PELI2: variants seen among roughly 807,000 people sequenced by gnomAD.
PELI2 encodes pellino E3 ubiquitin protein ligase family member 2.
PELI2 carries 23 observed loss-of-function variants against 42.3 expected under a neutral mutation model. The ratio of observed to expected loss-of-function variants is 0.54; its 90% CI spans 0.39 to 0.77. The LOEUF is 0.77. PELI2 is among the 30% of genes least tolerant of loss of function. The pLI, the probability that PELI2 is intolerant of heterozygous loss-of-function variation, is 0.00. For missense variants in PELI2, 463 were observed against 553.2 expected, an observed-to-expected ratio of 0.84 and a Z score of 1.64; for synonymous variants, 245 against 212.2, an observed-to-expected ratio of 1.15 and a Z score of -1.34.
At chr14:56,174,767 T>A (rs1002513662) in intron 1 of PELI2, among the ~76,000 whole-genome samples, 1 of 152,216 alleles carries the variant, frequency 6.6e-6, no homozygotes, top group African/African-American at 2.4e-5. Flanking sequence ...GTGGAACTTT[T>A]GAGTCAGTTA....
At chr14:56,159,433 T>G (rs1413022982) in intron 1 of PELI2, among the ~76,000 whole-genome samples, 1 of 152,184 alleles carries the variant, frequency 6.6e-6, no homozygotes, top group Non-Finnish European at 1.5e-5. Context: ...AACCCCAAAA[T>G]TATTAATTGG....
Position 56,214,685 on chromosome 14 carries a change from A to G in PELI2, c.207+36221A>G, listed in dbSNP as rs546172506. Among the ~76,000 whole-genome samples, 4 of 152,308 alleles carry G rather than the reference A, an allele frequency of 2.6e-5. No homozygotes were observed. The East Asian group carries it at 7.7e-4, about 29-fold the overall frequency. On this transcript the variant is annotated intron_variant, in intron 2 of 5. Coordinates refer to ENST00000267460, the MANE Select transcript of PELI2 (RefSeq NM_021255.3). The stretch of plus-strand genomic sequence containing the variant: ...GCAACCTCTAGAGTTTGGAAGCTGG[A>G]TGTTCAGCCTTTTTGGGTGGAATAC...
At chr14:56,259,874 A>G (rs1351960469) in intron 2 of PELI2, among the ~76,000 whole-genome samples, 2 of 152,188 alleles carry the variant, frequency 1.3e-5, no homozygotes, top group African/African-American at 4.8e-5. Flanking sequence ...CAAAGCATTT[A>G]AGATAGCATA....
intron 2 of PELI2, among the ~76,000 whole-genome samples, chr14:56,221,719 TGATTC>T (rs1228297732): frequency 6.6e-6 from 1 of 152,186 alleles, no homozygotes; most frequent in Non-Finnish European, 1.5e-5. Flanking sequence ...GGTGAATGGG[TGATTC>T]TATAGAGAAG....
chr14:56,185,863 A>G (rs1566626047), intron 2 of PELI2, among the ~76,000 whole-genome samples: 1 of 152,172 alleles, frequency 6.6e-6, no homozygotes, highest in Admixed American at 6.5e-5. Context: ...TTCTAGCAAA[A>G]AGGGACATTT....
At chr14:56,190,738 T>C (rs1018771080) in intron 2 of PELI2, among the ~76,000 whole-genome samples, 12 of 152,268 alleles carry the variant, frequency 7.9e-5, no homozygotes, top group African/African-American at 2.4e-4. Context: ...ATATTCATTC[T>C]GTTAGCCAAT....
Position 56,296,811 on chromosome 14 carries a change from AG to A in PELI2, c.910del (p.Glu304ArgfsTer54). On this transcript the variant is annotated frameshift_variant, in exon 6 of 6. Coordinates refer to ENST00000267460, the MANE Select transcript of PELI2 (RefSeq NM_021255.3). LOFTEE classifies it high-confidence loss of function. ...AGCATCAACAGGAAAGAGGTGGTGGAGGAGAAGCAGCCCTGGGCATATCTCA... is the reference window on the plus strand; with the variant it reads ...AGCATCAACAGGAAAGAGGTGGTGGAGAGAAGCAGCCCTGGGCATATCTCA... ...FPSINRKEVVEEKQPWAYLSC... is the reference protein window; with the variant it reads ...FPSINRKEVVXEKQPWAYLSC... The A allele has an allele frequency of 6.2e-7, 1 of 1,614,094 alleles. No homozygotes were observed. The highest frequency in any genetic ancestry group is 8.5e-7 in the Non-Finnish European group (1 of 1,179,996).
chr14:56,257,079 ATAG>A (rs1888551854), intron 2 of PELI2, among the ~76,000 whole-genome samples: 3 of 152,222 alleles, frequency 2.0e-5, no homozygotes, highest in South Asian at 2.1e-4. Flanking sequence ...TTAATAGTAT[ATAG>A]TGGGCATCAA....
intron 2 of PELI2, among the ~76,000 whole-genome samples, chr14:56,245,958 T>A (rs1888137546): frequency 6.6e-6 from 1 of 152,210 alleles, no homozygotes; most frequent in Admixed American, 6.5e-5. Context: ...GATTTTGGTA[T>A]CTGCAGGAGT....
At chr14:56,222,407 G>A (rs901508685) in intron 2 of PELI2, among the ~76,000 whole-genome samples, 4 of 152,174 alleles carry the variant, frequency 2.6e-5, no homozygotes, top group African/African-American at 9.7e-5. Flanking sequence ...TGAACCAAGT[G>A]TTGAATGGTA....
chr14:56,268,478 C>T (rs1176267941), intron 2 of PELI2, among the ~76,000 whole-genome samples: 2 of 152,084 alleles, frequency 1.3e-5, no homozygotes, highest in Non-Finnish European at 2.9e-5. Context: ...GTTAGATTTT[C>T]TCTCTCTCTT....
intron 2 of PELI2, among the ~76,000 whole-genome samples, chr14:56,226,144 A>G (rs765333257): frequency 7.9e-5 from 12 of 151,830 alleles, no homozygotes; most frequent in Non-Finnish European, 1.2e-4. Context: ...TTTGATTGAG[A>G]CCCCAGGCTC....
intron 2 of PELI2, among the ~76,000 whole-genome samples, chr14:56,220,025 A>G (rs1887064034): frequency 6.6e-6 from 1 of 152,222 alleles, no homozygotes. Context: ...GGTAAACAAT[A>G]AGTTAACAAC....
chr14:56,212,707 A>C (rs1213918476), intron 2 of PELI2, among the ~76,000 whole-genome samples: 1 of 152,222 alleles, frequency 6.6e-6, no homozygotes, highest in Non-Finnish European at 1.5e-5. Flanking sequence ...TCAATCATGC[A>C]GGGCGTTAAG....
intron 2 of PELI2, among the ~76,000 whole-genome samples, chr14:56,215,759 A>G (rs528983856): frequency 1.3e-5 from 2 of 152,308 alleles, no homozygotes; most frequent in East Asian, 3.9e-4. Context: ...TGAACTCACT[A>G]TTGTTTAATT....
intron 2 of PELI2, among the ~76,000 whole-genome samples, chr14:56,231,509 C>T (rs370353471): frequency 6.6e-6 from 1 of 152,168 alleles, no homozygotes; most frequent in African/African-American, 2.4e-5. Flanking sequence ...TGAATGACTA[C>T]TGGGTACATA....
intron 2 of PELI2, among the ~76,000 whole-genome samples, chr14:56,251,138 G>C (rs1304194625): frequency 1.3e-5 from 2 of 152,150 alleles, no homozygotes; most frequent in African/African-American, 4.8e-5. Flanking sequence ...AAGTTCTCTG[G>C]AGAAGGGTTT....
chr14:56,224,570 T>C (rs1045219391), intron 2 of PELI2, among the ~76,000 whole-genome samples: 1 of 152,356 alleles, frequency 6.6e-6, no homozygotes, highest in African/African-American at 2.4e-5. Context: ...AAGTGTTATG[T>C]ATCTTTCTCT....
intron 2 of PELI2, among the ~76,000 whole-genome samples, chr14:56,246,107 T>G (rs1888143195): frequency 6.6e-6 from 1 of 152,126 alleles, no homozygotes; most frequent in South Asian, 2.1e-4. Context: ...GTAATCTACT[T>G]TATCCTTCCT....
Sources: gnomAD v4.1 joint callset for allele counts (sites outside exome capture counted in the v4.1 genomes callset) on GRCh38, gnomAD v4.1.1 for gene constraint, MANE v1.5 for transcripts, NCBI Gene and HGNC (gene_info 2026-07-23, HGNC 2026-07-21) for gene names.